FSTL4: variants seen among roughly 807,000 people sequenced by gnomAD.
The protein encoded by FSTL4 is follistatin-related protein 4.
FSTL4 carries 28 observed loss-of-function variants against 78.2 expected under a neutral mutation model. The observed-to-expected ratio is 0.36, with a 90% confidence interval of 0.27 to 0.49. The LOEUF (loss-of-function observed/expected upper bound fraction) is 0.49, where lower values mean the gene tolerates loss of function less well. FSTL4 is among the 20% of genes least tolerant of loss of function. The pLI, the probability that FSTL4 is intolerant of heterozygous loss-of-function variation, is 0.98. For missense variants in FSTL4, 922 were observed against 1,084.9 expected (o/e 0.85, Z 2.11); for synonymous variants, 422 against 440.5 (o/e 0.96, Z 0.53).
At chr5:133,637,873 A>C in the FSTL4 span, among the ~76,000 whole-genome samples, 2 of 151,888 alleles carry the variant, frequency 1.3e-5, no homozygotes, top group African/African-American at 2.4e-5. Context: ...TAGCTGACTT[A>C]ATGGGCTCCA....
the FSTL4 span, among the ~76,000 whole-genome samples, chr5:133,722,834 T>C: frequency 6.6e-6 from 1 of 152,160 alleles, no homozygotes; most frequent in Admixed American, 6.5e-5. Flanking sequence ...GGTGAAGGGA[T>C]GTAGACTCCT....
upstream of FSTL4, among the ~76,000 whole-genome samples, chr5:133,617,366 T>C (rs144799289): frequency 5.1e-3 from 755 of 149,242 alleles, 1 homozygote; most frequent in Non-Finnish European, 8.5e-3. Context: ...CTGGCCTCCA[T>C]GCCTACGCAT....
intron 6 of FSTL4, among the ~76,000 whole-genome samples, chr5:133,302,440 A>C (rs1010383281): frequency 6.6e-5 from 10 of 152,182 alleles, no homozygotes; most frequent in African/African-American, 2.2e-4. Context: ...ACTTGGGTAC[A>C]AACACTTTAC....
At chr5:133,383,353 G>A (rs1334056746) in intron 4 of FSTL4, among the ~76,000 whole-genome samples, 2 of 152,158 alleles carry the variant, frequency 1.3e-5, no homozygotes, top group Non-Finnish European at 2.9e-5. Flanking sequence ...TTTTGGCTTT[G>A]AGATTCCTGG....
chr5:133,478,281 C>T (rs1294707931), intron 3 of FSTL4, among the ~76,000 whole-genome samples: 2 of 152,184 alleles, frequency 1.3e-5, no homozygotes, highest in African/African-American at 4.8e-5. Flanking sequence ...CCTTCATCTT[C>T]ACGATTTATG....
chr5:133,669,805 C>A, the FSTL4 span, among the ~76,000 whole-genome samples: 1 of 152,232 alleles, frequency 6.6e-6, no homozygotes, highest in East Asian at 1.9e-4. Flanking sequence ...GACCACAGAT[C>A]CACCCAGCCC....
intron 2 of FSTL4, among the ~76,000 whole-genome samples, chr5:133,590,093 C>CTTTATTTATTTATTTATTTATCTA (rs1760592417): frequency 6.7e-6 from 1 of 149,040 alleles, no homozygotes; most frequent in Non-Finnish European, 1.5e-5. Flanking sequence ...GGAATCTCCT[C>CTTTATTTATTTATTTATTTATCTA]TTTATTTATT....
chr5:133,205,752 T>TAAAC (rs1221657081), intron 14 of FSTL4, among the ~76,000 whole-genome samples: 6 of 150,824 alleles, frequency 4.0e-5, no homozygotes, highest in Admixed American at 1.3e-4. Context: ...TAAAACTATG[T>TAAAC]AAACAGTGGT....
intron 6 of FSTL4, among the ~76,000 whole-genome samples, chr5:133,252,793 A>T (rs1041778070): frequency 6.6e-6 from 1 of 152,194 alleles, no homozygotes; most frequent in Non-Finnish European, 1.5e-5. Flanking sequence ...AGGAGCCTCA[A>T]ACATGGGGCT....
intron 2 of FSTL4, among the ~76,000 whole-genome samples, chr5:133,581,136 A>G (rs938479934): frequency 6.6e-6 from 1 of 152,202 alleles, no homozygotes; most frequent in East Asian, 1.9e-4. Flanking sequence ...ATGGAACTTA[A>G]AGTAGTTTAA....
chr5:133,238,998 G>A (rs1751747273), intron 7 of FSTL4, among the ~76,000 whole-genome samples: 2 of 152,210 alleles, frequency 1.3e-5, no homozygotes, highest in Non-Finnish European at 2.9e-5. Context: ...GGAGAGGCGC[G>A]GGCGGGAACC....
the FSTL4 span, among the ~76,000 whole-genome samples, chr5:133,798,104 G>A: frequency 6.6e-6 from 1 of 152,184 alleles, no homozygotes; most frequent in Non-Finnish European, 1.5e-5. Context: ...CCAATCCTAT[G>A]TGGCCCTCCA....
intron 7 of FSTL4, among the ~76,000 whole-genome samples, chr5:133,245,290 C>T (rs1752006169): frequency 6.6e-6 from 1 of 152,056 alleles, no homozygotes; most frequent in Admixed American, 6.6e-5. Context: ...CAACAAGGCT[C>T]CCCTCACTTC....
chr5:133,455,826 G>A (rs921826642), intron 3 of FSTL4, among the ~76,000 whole-genome samples: 10 of 152,242 alleles, frequency 6.6e-5, no homozygotes, highest in African/African-American at 2.2e-4. Flanking sequence ...ACCACAGCCT[G>A]AGGACATGGA....
At chr5:133,565,727 A>G (rs759857627) in intron 3 of FSTL4, among the ~76,000 whole-genome samples, 29 of 152,240 alleles carry the variant, frequency 1.9e-4, no homozygotes, top group Non-Finnish European at 4.0e-4. Flanking sequence ...GCATTTGAAT[A>G]GAAATACATG....
At chr5:133,527,800 G>A (rs962231820) in intron 3 of FSTL4, among the ~76,000 whole-genome samples, 2 of 152,182 alleles carry the variant, frequency 1.3e-5, no homozygotes, top group Admixed American at 6.5e-5. Context: ...GGCCCAGACA[G>A]CTATGTCAAT....
chr5:133,280,667 C>T (rs1398539867), intron 6 of FSTL4, among the ~76,000 whole-genome samples: 1 of 152,160 alleles, frequency 6.6e-6, no homozygotes, highest in Non-Finnish European at 1.5e-5. Flanking sequence ...TGGGAACACA[C>T]ATCCTCCAAA....
chr5:133,247,821 G>C (rs1352080558), intron 7 of FSTL4: 1 of 152,314 alleles, frequency 6.6e-6, no homozygotes, highest in Non-Finnish European at 1.5e-5. Context: ...AAGGCTAGGG[G>C]AAGGGCACTC....
At chr5:133,706,950 C>T in the FSTL4 span, among the ~76,000 whole-genome samples, 1 of 152,166 alleles carries the variant, frequency 6.6e-6, no homozygotes, top group South Asian at 2.1e-4. Flanking sequence ...CAGCCCACAC[C>T]CATGCAGATG....
Sources: gnomAD v4.1 joint callset for allele counts (sites outside exome capture counted in the v4.1 genomes callset) on GRCh38, gnomAD v4.1.1 for gene constraint, MANE v1.5 for transcripts, NCBI Gene and HGNC (gene_info 2026-07-23, HGNC 2026-07-21) for gene names.